Variants in ABLIM1 observed in about 807,000 individuals in gnomAD.
ABLIM1 encodes the protein actin-binding LIM protein 1.
ABLIM1 carries 40 observed loss-of-function variants against 107.0 expected under a neutral mutation model. The observed-to-expected ratio is 0.37, with a 90% CI of 0.29 to 0.49. The LOEUF (loss-of-function observed/expected upper bound fraction) is 0.49, where lower values mean the gene tolerates loss of function less well. ABLIM1 is among the 20% of genes least tolerant of loss of function. The pLI is 0.97. For missense variants in ABLIM1, 857 were observed against 1,008.5 expected (o/e 0.85, Z 2.04); for synonymous variants, 357 against 357.3 (o/e 1.00, Z 0.01).
intron 2 of ABLIM1, among the ~76,000 whole-genome samples, chr10:114,597,122 C>G (rs1210005201): frequency 6.6e-6 from 1 of 152,202 alleles, no homozygotes; most frequent in South Asian, 2.1e-4. Flanking sequence ...ACCCGAACAT[C>G]GCCACTCTAG....
At position 114,551,290 on chromosome 10, in the gene ABLIM1, A is replaced by G. The variant is rs144802453; in HGVS notation, c.674-3514T>C. Among the ~76,000 whole-genome samples, 634 of 152,372 alleles carry G rather than the reference A, an allele frequency of 4.2e-3. 3 individuals carry two copies. The highest frequency in any genetic ancestry group is 0.014 in the African/African-American group (602 of 41,588). Reference sequence around the variant, plus strand: ...GTCTTGGGCTCTTTACAACCACCTCAGTGCCCAGACATCCCAGAGCTATGA... The same window carrying G: ...GTCTTGGGCTCTTTACAACCACCTCGGTGCCCAGACATCCCAGAGCTATGA... On this transcript the variant is annotated intron_variant, in intron 4 of 22. Transcript: ENST00000533213.
chr10:114,493,738 G>A (rs2059315452), intron 6 of ABLIM1, among the ~76,000 whole-genome samples: 1 of 152,106 alleles, frequency 6.6e-6, no homozygotes, highest in Admixed American at 6.5e-5. Flanking sequence ...AGCAAATTAT[G>A]GAACTTAACT....
intron 1 of ABLIM1, among the ~76,000 whole-genome samples, chr10:114,669,908 T>C (rs1254692262): frequency 6.6e-6 from 1 of 152,118 alleles, no homozygotes; most frequent in Non-Finnish European, 1.5e-5. Context: ...CTTTGGCATA[T>C]GGTGCAGCCG....
chr10:114,660,515 A>C (rs1004390997), upstream of ABLIM1, among the ~76,000 whole-genome samples: 2 of 152,200 alleles, frequency 1.3e-5, no homozygotes, highest in Non-Finnish European at 2.9e-5. Context: ...TCAAAAAAAA[A>C]ACCGTATTTC....
intron 6 of ABLIM1, among the ~76,000 whole-genome samples, chr10:114,512,126 T>G (rs1267654527): frequency 6.6e-6 from 1 of 152,200 alleles, no homozygotes; most frequent in Non-Finnish European, 1.5e-5. Context: ...AGGTGAACTT[T>G]CCTGGGGGGA....
intron 6 of ABLIM1, among the ~76,000 whole-genome samples, chr10:114,524,113 T>A (rs1490216399): frequency 6.6e-6 from 1 of 152,188 alleles, no homozygotes; most frequent in African/African-American, 2.4e-5. Context: ...TGTTTCCCTA[T>A]CTGTTCAGCC....
intron 6 of ABLIM1, among the ~76,000 whole-genome samples, chr10:114,495,991 A>T (rs987348564): frequency 6.6e-6 from 1 of 152,242 alleles, no homozygotes; most frequent in African/African-American, 2.4e-5. Context: ...ATGGTGTGAC[A>T]CATTGCACAA....
At chr10:114,612,769 C>T (rs769801937) in intron 1 of ABLIM1, among the ~76,000 whole-genome samples, 11 of 152,194 alleles carry the variant, frequency 7.2e-5, no homozygotes, top group Non-Finnish European at 1.2e-4. Flanking sequence ...TCCATCCTGA[C>T]TCTGAGAGTA....
intron 1 of ABLIM1, among the ~76,000 whole-genome samples, chr10:114,602,317 C>T (rs1045579603): frequency 6.6e-6 from 1 of 152,182 alleles, no homozygotes; most frequent in Admixed American, 6.5e-5. Flanking sequence ...ATTTAGAAGG[C>T]ACCTTCAGAA....
chr10:114,712,825 T>G (rs1168913054), intron 1 of ABLIM1, among the ~76,000 whole-genome samples: 1 of 152,248 alleles, frequency 6.6e-6, no homozygotes, highest in East Asian at 1.9e-4. Context: ...TTACTTCTTA[T>G]TGATTACAAA....
intron 6 of ABLIM1, among the ~76,000 whole-genome samples, chr10:114,493,212 T>G (rs535230865): frequency 6.6e-5 from 10 of 152,318 alleles, no homozygotes; most frequent in African/African-American, 2.4e-4. Flanking sequence ...AAGACATTAC[T>G]CAGTCCTAAG....
intron 4 of ABLIM1, among the ~76,000 whole-genome samples, chr10:114,556,664 A>G (rs1364940240): frequency 6.6e-6 from 1 of 152,210 alleles, no homozygotes; most frequent in African/African-American, 2.4e-5. Flanking sequence ...AAAAGTCCCC[A>G]TCATTAGTAG....
chr10:114,623,961 C>A (rs751300422), intron 1 of ABLIM1, among the ~76,000 whole-genome samples: 3 of 152,174 alleles, frequency 2.0e-5, no homozygotes, highest in Non-Finnish European at 2.9e-5. Flanking sequence ...AGCACAAATA[C>A]AATGTTTCAG....
Position 114,523,190 on chromosome 10 carries a change from T to TGAACCAAAA in ABLIM1, c.894+21814_894+21815insTTTTGGTTC, listed in dbSNP as rs574460209. Among the ~76,000 whole-genome samples the TGAACCAAAA allele has an allele frequency of 3.4e-3, 514 of 151,986 alleles. 5 individuals carry two copies. Among genetic ancestry groups the TGAACCAAAA allele is most frequent in the African/African-American group, 0.012 (498 of 41,446 alleles). On this transcript the variant is annotated intron_variant, in intron 6 of 22. Transcript: ENST00000533213. ...AACAAAAAAATCCATGGAGCTGGGGTTGGTTTGTGAACCAAAGCAAGAGAT... is the reference window on the plus strand; with the variant it reads ...AACAAAAAAATCCATGGAGCTGGGGTGAACCAAAATGGTTTGTGAACCAAAGCAAGAGAT...
chr10:114,633,346 CAT>C (rs2078296439), intron 1 of ABLIM1, among the ~76,000 whole-genome samples: 1 of 152,110 alleles, frequency 6.6e-6, no homozygotes, highest in African/African-American at 2.4e-5. Context: ...TCTTCACATT[CAT>C]CTTGGGCAGG....
At chr10:114,485,473 C>G in intron 8 of ABLIM1, 2 of 1,174,746 alleles carry the variant, frequency 1.7e-6, no homozygotes, top group Non-Finnish European at 2.3e-6. Context: ...ACAACAACCA[C>G]CTTAGGTAAA....
chr10:114,557,469 T>C (rs1227361415), intron 4 of ABLIM1, among the ~76,000 whole-genome samples: 1 of 152,204 alleles, frequency 6.6e-6, no homozygotes, highest in African/African-American at 2.4e-5. Context: ...CACAACCTGG[T>C]ATTTGGCAAT....
At chr10:114,566,532 T>C (rs369156390) in intron 4 of ABLIM1, among the ~76,000 whole-genome samples, 1 of 152,356 alleles carries the variant, frequency 6.6e-6, no homozygotes, top group East Asian at 1.9e-4. Flanking sequence ...TTGTAAAGCA[T>C]GTCTTCTGGG....
In ABLIM1 at chr10:114,698,928, G is replaced by A. The variant is rs1486254534; in HGVS notation, c.-213+69133C>T. ...GTGGAATTCATTTAGAAATAAAATG[G>A]GATTAGGGGGAATCCCACAGTGACA... On this transcript the variant is annotated intron_variant, in intron 1 of 15. Coordinates refer to the ABLIM1 transcript ENST00000651092. 2.6e-5 allele frequency among the ~76,000 whole-genome samples: 4 copies of A among 151,760 alleles called. No individual in the cohort carries two copies. The East Asian group carries it at 5.8e-4, about 22-fold the overall frequency.
Sources: allele counts gnomAD v4.1 joint callset (sites outside exome capture counted in the v4.1 genomes callset), GRCh38; gene constraint gnomAD v4.1.1; transcripts MANE v1.5; gene names NCBI Gene and HGNC (gene_info 2026-07-23, HGNC 2026-07-21).